The following CCDC25 variants were observed in gnomAD, a reference collection of about 807,000 sequenced individuals.
The protein encoded by CCDC25 is coiled-coil domain containing 25, also known as coiled-coil domain-containing protein 25.
A neutral mutation model predicts 35.3 loss-of-function variants in CCDC25; 16 were observed. That is an observed-to-expected ratio of 0.45 (90% CI 0.31 to 0.69). The LOEUF is 0.69. Among genes scored for constraint, CCDC25 ranks in the 30% least tolerant of loss-of-function variants. The pLI is 0.06. For synonymous variants in CCDC25, 79 were observed against 80.3 expected, an observed-to-expected ratio of 0.98 and a Z score of 0.09; for missense variants, 179 against 250.7, an observed-to-expected ratio of 0.71 and a Z score of 1.93.
intron 7 of CCDC25, among the ~76,000 whole-genome samples, chr8:27,746,567 C>T (rs1431824184): frequency 2.0e-5 from 3 of 152,120 alleles, no homozygotes; most frequent in African/African-American, 4.8e-5. Context: ...CCACTCCAAA[C>T]TCAAAACAAA....
intron 5 of CCDC25, among the ~76,000 whole-genome samples, chr8:27,750,093 T>G (rs920678090): frequency 3.3e-5 from 5 of 152,164 alleles, no homozygotes; most frequent in Admixed American, 2.6e-4. Context: ...TCTCCACGAC[T>G]CTAACGGAGC....
chr8:27,756,542 A>G (rs1466788710), intron 4 of CCDC25, 177 bp downstream of exon 4: 10 of 581,676 alleles, frequency 1.7e-5, no homozygotes, highest in Non-Finnish European at 2.8e-5. Context: ...TATCTCAAAA[A>G]TCATCTAGAA....
chr8:27,764,498 C>G, intron 2 of CCDC25: 1 of 375,884 alleles, frequency 2.7e-6, no homozygotes, highest in South Asian at 1.9e-5. Context: ...AGGCAGGTCT[C>G]GAACTCCTGG....
At chr8:27,755,465 T>C (rs1022757877) in intron 4 of CCDC25, among the ~76,000 whole-genome samples, 4 of 152,174 alleles carry the variant, frequency 2.6e-5, no homozygotes, top group East Asian at 1.9e-4. Context: ...AAGAGACAAA[T>C]GTTCCTTCCA....
intron 6 of CCDC25, 82 bp downstream of exon 6, chr8:27,748,413 C>A: frequency 6.7e-6 from 9 of 1,351,510 alleles, no homozygotes; most frequent in Non-Finnish European, 9.5e-6. Context: ...CAGCCCTCAA[C>A]AACAATGGTG....
chr8:27,735,630 G>A lies in CCDC25; in HGVS notation c.*586C>T, dbSNP rs1399230940. 6.6e-6 allele frequency: 1 copy of A among 152,200 alleles called. No individual in the cohort carries two copies. The highest frequency in any genetic ancestry group is 1.5e-5 in the Non-Finnish European group (1 of 68,094). The allele number at this position is 152,200 out of a possible 1,614,324, so 9.4% of individuals were successfully genotyped here. ...GAGGCCTCTGCTCAGAGGAAGCAAG[G>A]ACGTAAACGCTGGGACAGACTGCAC... On this transcript the variant is annotated 3_prime_UTR_variant, in exon 9 of 9. Transcript: ENST00000356537.
rs35046025 is a variant in CCDC25, at chr8:27,738,601, G to GGTGTGT, written c.597+1865_597+1870dup. On this transcript the variant is annotated intron_variant, in intron 8 of 8. Coordinates refer to ENST00000356537, the MANE Select transcript of CCDC25 (RefSeq NM_018246.3). ...ATGTATGTATGTAGGTCGGTAGGTA[G>GGTGTGT]GTGTGTGTGTGTGTGTGTGTGTGTA... Among the ~76,000 whole-genome samples the GGTGTGT allele has an allele frequency of 5.3e-3, 791 of 150,072 alleles. 7 individuals carry two copies. The highest frequency in any genetic ancestry group is 0.017 in the African/African-American group (705 of 40,862).
In CCDC25 at chr8:27,748,536, C is replaced by T. The variant is rs1468297697; in HGVS notation, c.307G>A (p.Asp103Asn). ...AAGCCTATCTGCCCCACATCCATGT[C>T]AGCTGTTTTCTTCAGGTTAGACCAC... ...TPWSNLKKTA[D>N]MDVGQIGFHR... Residue 103 changes from aspartate to asparagine, a missense_variant, in exon 6 of 9, where the codon GAC (aspartate) becomes AAC (asparagine). Physicochemically the swap from Asp to Asn is conservative, Grantham distance 23. Coordinates refer to ENST00000356537, the MANE Select transcript of CCDC25 (RefSeq NM_018246.3). 1 of 1,613,354 alleles carries T rather than the reference C, an allele frequency of 6.2e-7. No individual in the cohort carries two copies. The highest frequency in any genetic ancestry group is 1.7e-5 in the Admixed American group (1 of 60,020).
At position 27,737,886 on chromosome 8, in the gene CCDC25, A is replaced by T. The variant is rs112442574; in HGVS notation, c.598-1641T>A. Among the ~76,000 whole-genome samples, 2 of 143,690 alleles carry T rather than the reference A, an allele frequency of 1.4e-5. No individual in the cohort carries two copies. The highest frequency in any genetic ancestry group is 5.8e-5 in the African/African-American group (2 of 34,714). The allele number at this position is 143,690 out of a possible 152,430, so 94.3% of individuals were successfully genotyped here. A position where few individuals can be genotyped will look rare whatever the true frequency, so the allele number is the denominator to read the frequency against. ...CTGTGGTGTGTGTATACACACACTC[A>T]CACACACACACACACACACACACAC... On this transcript the variant is annotated intron_variant, in intron 8 of 8. Transcript: ENST00000356537. This position sits in a 1 kb window ranked among gnomAD's most constrained non-coding sequence, Gnocchi z 4.6.
chr8:27,750,622 T>C (rs961252977), intron 5 of CCDC25, among the ~76,000 whole-genome samples: 9 of 152,176 alleles, frequency 5.9e-5, no homozygotes, highest in Admixed American at 2.6e-4. Flanking sequence ...TTGGCTGTAG[T>C]GTGAAATACG....
At chr8:27,747,766 C>A (rs946946193) in intron 7 of CCDC25, 16 of 325,894 alleles carry the variant, frequency 4.9e-5, no homozygotes, top group Non-Finnish European at 7.3e-5. Context: ...TCCCACAGCA[C>A]CTTTTCCTTT....
chr8:27,742,963 A>G (rs965046187), intron 7 of CCDC25, among the ~76,000 whole-genome samples: 2 of 152,198 alleles, frequency 1.3e-5, no homozygotes, highest in African/African-American at 2.4e-5. Flanking sequence ...CCTCCCTGAC[A>G]TCTTTTTGGA....
intron 3 of CCDC25, among the ~76,000 whole-genome samples, chr8:27,757,779 G>T (rs1028152614): frequency 6.6e-6 from 1 of 152,162 alleles, no homozygotes; most frequent in Admixed American, 6.5e-5. Context: ...CAAGTCTCAT[G>T]TCGAATTGTA....
intron 5 of CCDC25, among the ~76,000 whole-genome samples, chr8:27,751,619 G>A (rs1803810756): frequency 6.6e-6 from 1 of 152,066 alleles, no homozygotes; most frequent in African/African-American, 2.4e-5. Context: ...CAACCCTCTG[G>A]AGCATCCCTT....
chr8:27,754,816 C>A (rs1307608864), intron 4 of CCDC25, among the ~76,000 whole-genome samples: 2 of 152,136 alleles, frequency 1.3e-5, no homozygotes, highest in East Asian at 3.8e-4. Context: ...AAAAAGACAA[C>A]CTGTAGCAAA....
chr8:27,772,156 G>A, intron 1 of CCDC25: 1 of 377,330 alleles, frequency 2.7e-6, no homozygotes, highest in Non-Finnish European at 4.9e-6. Context: ...CAGAACAAAG[G>A]CCGCAGATGG....
Position 27,762,411 on chromosome 8 carries a change from T to C in CCDC25, c.116+8A>G. The C allele has an allele frequency of 6.2e-7, 1 of 1,612,926 alleles. No individual in the cohort carries two copies. The highest frequency in any genetic ancestry group is 1.7e-4 in the Middle Eastern group (1 of 6,058). ...TCTACAGAGGGCAGAACCAAAATTG[T>C]TACTTACCAGATATCTTCAGGCCAG... On this transcript the variant is annotated splice_region_variant and intron_variant, in intron 3 of 8. Coordinates refer to ENST00000356537, the MANE Select transcript of CCDC25 (RefSeq NM_018246.3).
At chr8:27,736,915 AT>A (rs1378211652) in intron 8 of CCDC25, among the ~76,000 whole-genome samples, 1 of 152,230 alleles carries the variant, frequency 6.6e-6, no homozygotes, top group Non-Finnish European at 1.5e-5. Context: ...TTTGGACAAC[AT>A]TCACTAAGAG....
chr8:27,743,963 G>A (rs1803521792), intron 7 of CCDC25, among the ~76,000 whole-genome samples: 2 of 152,138 alleles, frequency 1.3e-5, no homozygotes, highest in African/African-American at 4.8e-5. Context: ...CAAGTGATTA[G>A]CGACAGCTTA....
Sources: gnomAD v4.1 joint callset for allele counts (sites outside exome capture counted in the v4.1 genomes callset) on GRCh38, gnomAD v4.1.1 for gene constraint, Gnocchi (gnomAD v3.1) non-coding constraint, MANE v1.5 for transcripts, NCBI Gene and HGNC (gene_info 2026-07-23, HGNC 2026-07-21) for gene names.